The following MAPK14 variants were observed in gnomAD, a reference collection of about 807,000 sequenced individuals.
MAPK14 encodes the protein CSAID-binding protein.
In MAPK14, 16 loss-of-function variants were observed where a neutral mutation model predicts 49.6. The observed-to-expected ratio is 0.32, with a 90% CI of 0.22 to 0.49. The LOEUF is 0.49. MAPK14 is among the 20% of genes least tolerant of loss of function. The pLI, the probability that MAPK14 is intolerant of heterozygous loss-of-function variation, is 0.99. For missense variants in MAPK14, 200 were observed against 441.2 expected, an observed-to-expected ratio of 0.45 and a Z score of 4.90; for synonymous variants, 142 against 158.0, an observed-to-expected ratio of 0.90 and a Z score of 0.76.
intron 8 of MAPK14, chr6:36,092,453 A>G (rs923375508): frequency 1.4e-5 from 9 of 655,408 alleles, no homozygotes; most frequent in Non-Finnish European, 2.6e-5. Flanking sequence ...TCTGCAGCAC[A>G]GGGATGACCG....
At chr6:36,103,322 A>AT (rs143121066) in intron 10 of MAPK14, among the ~76,000 whole-genome samples, 13 of 147,286 alleles carry the variant, frequency 8.8e-5, no homozygotes, top group Admixed American at 2.7e-4. Context: ...CTTTATTATT[A>AT]TTATTTATTT....
intron 1 of MAPK14, among the ~76,000 whole-genome samples, chr6:36,037,722 A>G (rs1244504536): frequency 6.6e-6 from 1 of 152,178 alleles, no homozygotes; most frequent in East Asian, 1.9e-4. Flanking sequence ...TGAGTGGCTC[A>G]CACCTGTAAT....
intron 1 of MAPK14, among the ~76,000 whole-genome samples, chr6:36,041,546 C>A (rs145819900): frequency 1.3e-5 from 2 of 152,248 alleles, no homozygotes; most frequent in African/African-American, 4.8e-5. Context: ...TTCCTACACA[C>A]TTCTTGAAGA....
At position 36,092,400 on chromosome 6, in the gene MAPK14, C is replaced by T. The variant is rs933169965; in HGVS notation, c.683-3587C>T. 8 of 682,222 alleles carry T rather than the reference C, an allele frequency of 1.2e-5. No individual in the cohort carries two copies. In the African/African-American group the frequency reaches 1.4e-4, roughly 12 times the overall value. The allele number at this position is 682,222 out of a possible 1,614,324, so 42.3% of individuals were successfully genotyped here. On this transcript the variant is annotated intron_variant, in intron 8 of 11. Transcript: ENST00000229794. ...TATGCAGTAGCCACCCATTGGTGGT[C>T]AGGACTGTTTCACCAGAACGATACA...
intron 3 of MAPK14, among the ~76,000 whole-genome samples, chr6:36,065,098 A>G (rs1763993074): frequency 6.6e-6 from 1 of 152,196 alleles, no homozygotes; most frequent in Non-Finnish European, 1.5e-5. Flanking sequence ...TCTTCTCATC[A>G]GAAGCTCTTC....
chr6:36,049,934 A>G (rs981656547), intron 1 of MAPK14, among the ~76,000 whole-genome samples: 1 of 152,178 alleles, frequency 6.6e-6, no homozygotes, highest in African/African-American at 2.4e-5. Flanking sequence ...TCCCCTCCTG[A>G]TGGTTTCTGT....
intron 8 of MAPK14, among the ~76,000 whole-genome samples, chr6:36,078,959 G>A (rs1207595603): frequency 6.6e-6 from 1 of 152,188 alleles, no homozygotes; most frequent in African/African-American, 2.4e-5. Context: ...AACTCTAGAT[G>A]CCTGGGGACC....
At chr6:36,097,383 G>A (rs771619590) in intron 9 of MAPK14, 3 of 152,172 alleles carry the variant, frequency 2.0e-5, no homozygotes, top group Non-Finnish European at 4.4e-5. Flanking sequence ...TTACCACAAT[G>A]TCAACCTAAA....
intron 1 of MAPK14, among the ~76,000 whole-genome samples, chr6:36,047,792 A>G (rs1164243399): frequency 1.5e-4 from 23 of 150,936 alleles, no homozygotes; most frequent in Non-Finnish European, 4.4e-5. Context: ...CTGGAGTGCA[A>G]TGGCATGATC....
chr6:36,117,732 G>C, the MAPK14 span, among the ~76,000 whole-genome samples: 7 of 152,306 alleles, frequency 4.6e-5, no homozygotes, highest in South Asian at 2.1e-4. Flanking sequence ...GAAAAACCCT[G>C]AGTATACAGT....
At chr6:36,040,295 C>T (rs925495819) in intron 1 of MAPK14, among the ~76,000 whole-genome samples, 2 of 152,170 alleles carry the variant, frequency 1.3e-5, no homozygotes, top group Non-Finnish European at 2.9e-5. Context: ...AATGTCTAGA[C>T]ATTGCCACAT....
chr6:36,088,654 G>A lies in MAPK14; in HGVS notation c.683-7333G>A, dbSNP rs148382583. On this transcript the variant is annotated intron_variant, in intron 8 of 11. Transcript: ENST00000229794. ...GGAGAATGACGTGAACCCAGGAGGC[G>A]GAGCTGGCAGTGAGCCGAGATCACA... 4.7e-3 allele frequency among the ~76,000 whole-genome samples: 709 copies of A among 150,846 alleles called. 3 individuals are homozygous for A. The highest frequency in any genetic ancestry group is 0.01 in the Middle Eastern group (3 of 294).
At chr6:36,053,534 G>A (rs1346496036) in intron 2 of MAPK14, among the ~76,000 whole-genome samples, 1 of 152,064 alleles carries the variant, frequency 6.6e-6, no homozygotes, top group East Asian at 1.9e-4. Flanking sequence ...AAAGACAGTT[G>A]ACTGAAGACA....
chr6:36,048,101 A>G (rs1488515492), intron 1 of MAPK14, among the ~76,000 whole-genome samples: 1 of 150,520 alleles, frequency 6.6e-6, no homozygotes, highest in African/African-American at 2.5e-5. Flanking sequence ...GAGTGCAGTG[A>G]TGCAATCTCG....
chr6:36,117,778 G>A, the MAPK14 span, among the ~76,000 whole-genome samples: 2 of 152,160 alleles, frequency 1.3e-5, no homozygotes, highest in South Asian at 2.1e-4. Context: ...GCATGTCATC[G>A]AAGACAGATC....
At chr6:36,091,583 A>G (rs1436601289) in intron 8 of MAPK14, among the ~76,000 whole-genome samples, 1 of 152,198 alleles carries the variant, frequency 6.6e-6, no homozygotes, top group East Asian at 1.9e-4. Flanking sequence ...CTGCCTGGAC[A>G]AATCATAGTG....
chr6:36,102,558 C>CT lies in MAPK14; in HGVS notation c.763-11dup. On this transcript the variant is annotated splice_polypyrimidine_tract_variant and intron_variant, in intron 9 of 11. Transcript: ENST00000229794. ...ATTGAACAAAGTCATTCTGAAAACC[C>CT]TTGTTTTTTCAGGCAAGAAACTATA... 1 of 1,607,420 alleles carries CT rather than the reference C, an allele frequency of 6.2e-7. No homozygotes were observed. Among genetic ancestry groups the CT allele is most frequent in the Non-Finnish European group, 8.5e-7 (1 of 1,175,544 alleles).
At chr6:36,091,748 G>A (rs948372560) in intron 8 of MAPK14, among the ~76,000 whole-genome samples, 3 of 151,610 alleles carry the variant, frequency 2.0e-5, no homozygotes, top group African/African-American at 4.8e-5. Flanking sequence ...TTTATGTTGT[G>A]TGTTTTTCCA....
intron 8 of MAPK14, among the ~76,000 whole-genome samples, chr6:36,087,313 G>A (rs1363430132): frequency 6.6e-6 from 1 of 152,118 alleles, no homozygotes; most frequent in Non-Finnish European, 1.5e-5. Context: ...AAGAAAGAAA[G>A]GGTATTCAAA....
Sources: allele counts gnomAD v4.1 joint callset (sites outside exome capture counted in the v4.1 genomes callset), GRCh38; gene constraint gnomAD v4.1.1; transcripts MANE v1.5; gene names NCBI Gene and HGNC (gene_info 2026-07-23, HGNC 2026-07-21).